C20orf96: variants seen among roughly 807,000 people sequenced by gnomAD.
C20orf96 encodes chromosome 20 open reading frame 96.
In C20orf96, 57 loss-of-function variants were observed where a neutral mutation model predicts 52.6. The observed-to-expected ratio is 1.08, with a 90% CI of 0.88 to 1.35. The LOEUF is 1.35. C20orf96 is among the 40% of genes most tolerant of loss of function. The probability of loss-of-function intolerance (pLI) is 0.00; values close to 1 mark genes in which losing one functional copy is unlikely to be tolerated. For missense variants in C20orf96, 478 were observed against 443.6 expected, an observed-to-expected ratio of 1.08 and a Z score of -0.70; for synonymous variants, 168 against 157.2, an observed-to-expected ratio of 1.07 and a Z score of -0.51.
At chr20:282,871 C>CA (rs1223117786) in intron 4 of C20orf96, among the ~76,000 whole-genome samples, 1 of 150,862 alleles carries the variant, frequency 6.6e-6, no homozygotes, top group Non-Finnish European at 1.5e-5. Context: ...AACTCTGTCT[C>CA]AAAAAAAAAT....
In C20orf96 at chr20:272,200, T is replaced by TAA. The variant is rs111843233; in HGVS notation, c.1032-935_1032-934dup. ...TATTTGAAATTTTTCATAATAATAGTAAAAAAAAAAAGTTCATCTCTATGC... is the reference window on the plus strand; with the variant it reads ...TATTTGAAATTTTTCATAATAATAGTAAAAAAAAAAAAAGTTCATCTCTATGC... On this transcript the variant is annotated intron_variant, in intron 10 of 10. Transcript: ENST00000360321. 4.7e-5 allele frequency among the ~76,000 whole-genome samples: 7 copies of TAA among 148,184 alleles called. No individual in the cohort carries two copies. The Admixed American group carries it at 4.7e-4, about 10-fold the overall frequency.
intron 3 of C20orf96, among the ~76,000 whole-genome samples, chr20:285,219 A>G (rs1600190398): frequency 6.6e-6 from 1 of 152,220 alleles, no homozygotes; most frequent in Non-Finnish European, 1.5e-5. Flanking sequence ...GCCAGATAAG[A>G]GTACAGGCAT....
chr20:284,813 C>T lies in C20orf96; in HGVS notation c.188-732G>A, dbSNP rs548630579. Reference sequence around the variant, plus strand: ...CGGAGGTTGCAGTGGTGCGAGATCCCGCCACTGCACTCCAGCCTGGGTGAC... The same window carrying T: ...CGGAGGTTGCAGTGGTGCGAGATCCTGCCACTGCACTCCAGCCTGGGTGAC... On this transcript the variant is annotated intron_variant, in intron 3 of 10. Transcript: ENST00000360321. Among the ~76,000 whole-genome samples the T allele has an allele frequency of 2.0e-4, 30 of 152,220 alleles. No homozygotes were observed. The South Asian group carries it at 3.7e-3, about 19-fold the overall frequency.
At chr20:276,213 G>A (rs2012018648) in intron 9 of C20orf96, 127 bp from the exon 10 acceptor site, 3 of 1,545,092 alleles carry the variant, frequency 1.9e-6, no homozygotes, top group East Asian at 2.3e-5. Context: ...ACTGGGACTT[G>A]CTGGACTCCA....
intron 10 of C20orf96, among the ~76,000 whole-genome samples, 190 bp from the exon 11 acceptor site, chr20:271,457 C>G (rs1027519961): frequency 4.1e-5 from 6 of 147,620 alleles, no homozygotes; most frequent in African/African-American, 1.3e-4. Flanking sequence ...CACACACACA[C>G]ACACACACAC....
In C20orf96 at chr20:279,320, C is replaced by G; in HGVS notation, c.317G>C (p.Arg106Thr). Residue 106 changes from arginine (R) to threonine (T), a missense_variant, in exon 5 of 11, where the codon AGG (arginine) becomes ACG (threonine). Transcript: ENST00000360321. ...AKIWLMKTSLRSGRAALRELR... is the reference protein window; with the variant it reads ...AKIWLMKTSLTSGRAALRELR... ...CTCTCGCAGAGCGGCCCTCCCGCTCCTGAGCGAGGTCTGCGGGCGGAGGGA... is the reference window on the plus strand; with the variant it reads ...CTCTCGCAGAGCGGCCCTCCCGCTCGTGAGCGAGGTCTGCGGGCGGAGGGA... The G allele has an allele frequency of 1.9e-6, 3 of 1,603,374 alleles. No homozygotes were observed. Among genetic ancestry groups the G allele is most frequent in the Non-Finnish European group, 2.5e-6 (3 of 1,177,836 alleles).
intron 10 of C20orf96, among the ~76,000 whole-genome samples, chr20:273,131 C>T (rs148185157): frequency 0.031 from 4,679 of 152,256 alleles, 151 homozygotes; most frequent in African/African-American, 0.083. Context: ...CACGCCACCA[C>T]GCCTGGCTAA....
At chr20:287,229 G>A (rs2012410073) in intron 3 of C20orf96, among the ~76,000 whole-genome samples, 2 of 152,192 alleles carry the variant, frequency 1.3e-5, no homozygotes, top group Admixed American at 1.3e-4. Context: ...GTTTCATGTT[G>A]TTAGAAATGG....
At chr20:277,738 G>A (rs1234148690) in intron 6 of C20orf96, among the ~76,000 whole-genome samples, 1 of 152,170 alleles carries the variant, frequency 6.6e-6, no homozygotes, top group Non-Finnish European at 1.5e-5. Flanking sequence ...CAGATGGGGT[G>A]ACAGTGGCTC....
chr20:290,374 C>T, intron 1 of C20orf96, 67 bp from the exon 2 acceptor site: 1 of 1,591,068 alleles, frequency 6.3e-7, no homozygotes, highest in Non-Finnish European at 8.6e-7. Context: ...AGCAGCAATT[C>T]GAAACAGGAT....
At chr20:278,091 A>G (rs953717357) in intron 6 of C20orf96, among the ~76,000 whole-genome samples, 2 of 152,206 alleles carry the variant, frequency 1.3e-5, no homozygotes, top group African/African-American at 4.8e-5. Context: ...AGTAGTTGCA[A>G]TGACTGAGTG....
intron 9 of C20orf96, chr20:276,484 G>A (rs2012027399): frequency 1.0e-6 from 1 of 985,438 alleles, no homozygotes; most frequent in Non-Finnish European, 1.2e-6. Flanking sequence ...TGGGTGGTGG[G>A]CAGTAACAAG....
intron 1 of C20orf96, 67 bp downstream of exon 1, chr20:290,524 G>T: frequency 1.3e-6 from 2 of 1,583,028 alleles, no homozygotes; most frequent in Admixed American, 1.8e-5. Flanking sequence ...GGACAGCGGC[G>T]GGGTGTGAAG....
At chr20:282,525 T>A (rs1283520474) in intron 4 of C20orf96, among the ~76,000 whole-genome samples, 1 of 152,184 alleles carries the variant, frequency 6.6e-6, no homozygotes, top group African/African-American at 2.4e-5. Flanking sequence ...TTGTCCACGT[T>A]CAGCTTCTAC....
chr20:276,846 G>A lies in C20orf96; in HGVS notation c.859C>T (p.Gln287Ter), dbSNP rs2012041999. The A allele has an allele frequency of 1.2e-6, 2 of 1,613,944 alleles. No individual in the cohort carries two copies. Among genetic ancestry groups the A allele is most frequent in the South Asian group, 1.1e-5 (1 of 91,030 alleles). The stretch of plus-strand genomic sequence containing the variant: ...AAGTCCTGGCTTTCCCACATCTTCT[G>A]TAGGAGAGCCTCTTCATAGGGACGC... ...TQRPYEEALLQKMWESQDFLK... is the reference protein window; with the variant it reads ...TQRPYEEALL Residue 287 changes from glutamine (Q) to a stop codon, truncating the protein, a stop_gained, in exon 9 of 11, where the codon CAG becomes TAG. Coordinates refer to ENST00000360321, the MANE Select transcript of C20orf96 (RefSeq NM_153269.3). LOFTEE classifies it high-confidence loss of function.
In C20orf96 at chr20:288,174, C is replaced by CTTTTTCTTTTTCTT. The variant is rs760222046; in HGVS notation, c.187+1384_187+1385insAAGAAAAAGAAAAA. Among the ~76,000 whole-genome samples, 297 of 66,030 alleles carry CTTTTTCTTTTTCTT rather than the reference C, an allele frequency of 4.5e-3. 1 individual carries two copies. Among genetic ancestry groups the CTTTTTCTTTTTCTT allele is most frequent in the African/African-American group, 6.7e-3 (109 of 16,268 alleles). The allele number at this position is 66,030 out of a possible 152,430, so 43.3% of individuals were successfully genotyped here. On this transcript the variant is annotated intron_variant, in intron 3 of 10. Coordinates refer to ENST00000360321, the MANE Select transcript of C20orf96 (RefSeq NM_153269.3). ...AAATCATTTCTTTCTTTTTCTTTTT[C>CTTTTTCTTTTTCTT]TTTTTTTTTTTTTTTTTTTTTTTGC...
Position 277,101 on chromosome 20 carries a change from T to G in C20orf96, c.768A>C (p.Glu256Asp). 5.0e-6 allele frequency: 8 copies of G among 1,613,942 alleles called. No individual in the cohort carries two copies. Among genetic ancestry groups the G allele is most frequent in the Non-Finnish European group, 6.8e-6 (8 of 1,179,926 alleles). The change falls in exon 8 of 11, where the codon GAA becomes GAC. Residue 256 changes from glutamate (E) to aspartate (D), a missense_variant. Glu to Asp is a conservative substitution (Grantham distance 45). Transcript: ENST00000360321. Reference protein sequence around the residue: ...DLGEMRRKVLESLSDKIQKKK... With the variant: ...DLGEMRRKVLDSLSDKIQKKK... ...TCTTCTGAATCTTGTCAGACAAGGA[T>G]TCCAGGACCTTTCTGCGCATCTCAC...
Position 289,667 on chromosome 20 carries a change from G to C in C20orf96, c.79C>G (p.Pro27Ala). 6.2e-7 allele frequency: 1 copy of C among 1,612,920 alleles called. No individual in the cohort carries two copies. The highest frequency in any genetic ancestry group is 2.2e-5 in the East Asian group (1 of 44,872). Residue 27 changes from proline (P) to alanine (A), a missense_variant, in exon 3 of 11, where the codon CCA becomes GCA. Physicochemically the swap from Pro to Ala is conservative, Grantham distance 27. Transcript: ENST00000360321. ...VQEFQVPDYV[P>A]WQQSKQETKP... ...GTTTCCTGCTTGGACTGCTGCCATG[G>C]AACATAATCCTACAAAATATACAAT... is the stretch of plus-strand genomic sequence containing the variant.
chr20:278,706 C>G (rs2012110050), intron 5 of C20orf96, among the ~76,000 whole-genome samples: 1 of 150,760 alleles, frequency 6.6e-6, no homozygotes, highest in Admixed American at 6.6e-5. Flanking sequence ...CGGTGAACCC[C>G]CTCTGGGACG....
Sources: allele counts gnomAD v4.1 joint callset (sites outside exome capture counted in the v4.1 genomes callset), GRCh38; gene constraint gnomAD v4.1.1; transcripts MANE v1.5; gene names NCBI Gene and HGNC (gene_info 2026-07-23, HGNC 2026-07-21).